The following NWD2 variants were observed in gnomAD, a reference collection of about 807,000 sequenced individuals.
NWD2 encodes the protein NACHT and WD repeat domain-containing protein 2.
NWD2 carries 37 observed loss-of-function variants against 132.7 expected under a neutral mutation model. The ratio of observed to expected loss-of-function variants is 0.28; its 90% confidence interval spans 0.21 to 0.37. The LOEUF is 0.37. Among genes scored for constraint, NWD2 ranks in the 10% least tolerant of loss-of-function variants. NWD2 has a pLI of 1.00. For missense variants in NWD2, 1,592 were observed against 2,122.4 expected, an observed-to-expected ratio of 0.75 and a Z score of 4.91; for synonymous variants, 705 against 803.0, an observed-to-expected ratio of 0.88 and a Z score of 2.06.
chr4:37,250,943 G>T (rs558263223), intron 1 of NWD2, among the ~76,000 whole-genome samples: 1 of 152,212 alleles, frequency 6.6e-6, no homozygotes, highest in Non-Finnish European at 1.5e-5. Context: ...GTAACAGAAG[G>T]GTAAGTATTT....
chr4:37,293,092 G>A (rs1177065124), intron 1 of NWD2, among the ~76,000 whole-genome samples: 1 of 152,148 alleles, frequency 6.6e-6, no homozygotes, highest in Admixed American at 6.5e-5. Context: ...CTGGTACTGG[G>A]ACTAATGTTA....
intron 1 of NWD2, among the ~76,000 whole-genome samples, chr4:37,307,795 A>T (rs1021981531): frequency 6.6e-6 from 1 of 152,104 alleles, no homozygotes; most frequent in African/African-American, 2.4e-5. Flanking sequence ...TAAGTCTCGT[A>T]GGCTTTCTTT....
chr4:37,367,285 C>T (rs571783505), intron 3 of NWD2, among the ~76,000 whole-genome samples: 1 of 152,178 alleles, frequency 6.6e-6, no homozygotes, highest in East Asian at 1.9e-4. Flanking sequence ...TTGAACTGCA[C>T]TAACATGAAA....
chr4:37,265,668 G>C (rs1717734200), intron 1 of NWD2, among the ~76,000 whole-genome samples: 1 of 151,802 alleles, frequency 6.6e-6, no homozygotes, highest in Non-Finnish European at 1.5e-5. Context: ...TGCTTCCACT[G>C]CCACATTTCC....
intron 2 of NWD2, among the ~76,000 whole-genome samples, chr4:37,335,132 C>T (rs767816933): frequency 3.3e-5 from 5 of 152,130 alleles, no homozygotes; most frequent in Non-Finnish European, 7.4e-5. Context: ...CTTCTTGGCA[C>T]AATGTGCAAG....
chr4:37,405,779 T>C (rs1347724129), intron 3 of NWD2, among the ~76,000 whole-genome samples: 1 of 152,234 alleles, frequency 6.6e-6, no homozygotes, highest in Non-Finnish European at 1.5e-5. Flanking sequence ...ACATAGGTTA[T>C]CTTGGAACAT....
At chr4:37,431,780 T>C (rs1321420703) in intron 4 of NWD2, among the ~76,000 whole-genome samples, 1 of 152,166 alleles carries the variant, frequency 6.6e-6, no homozygotes, top group African/African-American at 2.4e-5. Flanking sequence ...TAAGAAACTA[T>C]AAATTGTCAC....
intron 3 of NWD2, among the ~76,000 whole-genome samples, chr4:37,426,350 C>A (rs945169529): frequency 1.3e-5 from 2 of 152,142 alleles, no homozygotes; most frequent in African/African-American, 4.8e-5. Context: ...CAATAAGTAA[C>A]TTTAAGCCTG....
At chr4:37,368,354 T>C (rs763542160) in intron 3 of NWD2, among the ~76,000 whole-genome samples, 2 of 152,160 alleles carry the variant, frequency 1.3e-5, no homozygotes, top group African/African-American at 2.4e-5. Flanking sequence ...ACCTAAAGTC[T>C]CAAAATGCTT....
chr4:37,366,272 G>A (rs962967214), intron 3 of NWD2, among the ~76,000 whole-genome samples: 6 of 152,136 alleles, frequency 3.9e-5, no homozygotes, highest in Non-Finnish European at 2.9e-5. Flanking sequence ...TGTTGCCTTT[G>A]AGGCATTTTA....
chr4:37,411,468 G>A (rs912047840), intron 3 of NWD2, among the ~76,000 whole-genome samples: 4 of 152,112 alleles, frequency 2.6e-5, no homozygotes, highest in African/African-American at 9.7e-5. Flanking sequence ...CCAATAACAA[G>A]TTCTGAAATT....
chr4:37,420,939 G>A (rs557014190), intron 3 of NWD2, among the ~76,000 whole-genome samples: 12 of 152,096 alleles, frequency 7.9e-5, no homozygotes, highest in Admixed American at 5.9e-4. Flanking sequence ...TAATCTTTTG[G>A]CCCACAGATC....
At chr4:37,387,614 C>G (rs1720589225) in intron 3 of NWD2, among the ~76,000 whole-genome samples, 2 of 151,646 alleles carry the variant, frequency 1.3e-5, no homozygotes, top group Admixed American at 1.3e-4. Flanking sequence ...CATAGCTCCT[C>G]TCATCCCCGC....
Position 37,337,242 on chromosome 4 carries a change from CTTAAA to C in NWD2, c.240+11223_240+11227del, listed in dbSNP as rs1577672494. ...ACTCTAACCCCTTTTATTTCGGAAT[CTTAAA>C]TTAATAGTCCTCATCTTAGTGGGTG... is the stretch of plus-strand genomic sequence containing the variant. On this transcript the variant is annotated intron_variant, in intron 2 of 6. Coordinates refer to ENST00000309447, the MANE Select transcript of NWD2 (RefSeq NM_001144990.2). 2.6e-5 allele frequency among the ~76,000 whole-genome samples: 4 copies of C among 152,164 alleles called. No individual in the cohort carries two copies. The East Asian group carries it at 7.7e-4, about 29-fold the overall frequency.
intron 3 of NWD2, among the ~76,000 whole-genome samples, chr4:37,359,310 C>A (rs1480280218): frequency 2.0e-5 from 3 of 152,106 alleles, no homozygotes; most frequent in Non-Finnish European, 4.4e-5. Context: ...CACGATAAAA[C>A]CCTGCAGATA....
intron 3 of NWD2, among the ~76,000 whole-genome samples, chr4:37,363,637 C>CCA (rs1468782314): frequency 6.6e-6 from 1 of 152,068 alleles, no homozygotes; most frequent in Non-Finnish European, 1.5e-5. Context: ...GACTACTCAG[C>CCA]CACACACACA....
intron 2 of NWD2, among the ~76,000 whole-genome samples, chr4:37,342,095 T>C (rs1156946425): frequency 6.6e-6 from 1 of 152,222 alleles, no homozygotes. Context: ...CCAAATCTCA[T>C]GTTGAAATGT....
chr4:37,393,120 G>A (rs1220595411), intron 3 of NWD2, among the ~76,000 whole-genome samples: 3 of 152,270 alleles, frequency 2.0e-5, no homozygotes, highest in African/African-American at 4.8e-5. Flanking sequence ...AGGCAGTGAG[G>A]CCAAGCCATG....
intron 3 of NWD2, among the ~76,000 whole-genome samples, chr4:37,421,803 G>T (rs1209415716): frequency 6.6e-6 from 1 of 152,228 alleles, no homozygotes; most frequent in Non-Finnish European, 1.5e-5. Flanking sequence ...GTCAGTTCAG[G>T]CCACAAGGAC....
Sources: gnomAD v4.1 joint callset for allele counts (sites outside exome capture counted in the v4.1 genomes callset) on GRCh38, gnomAD v4.1.1 for gene constraint, MANE v1.5 for transcripts, NCBI Gene and HGNC (gene_info 2026-07-23, HGNC 2026-07-21) for gene names.